DLG2: variants seen among roughly 807,000 people sequenced by gnomAD.
DLG2 encodes discs large MAGUK scaffold protein 2.
In DLG2, 45 loss-of-function variants were observed where a neutral mutation model predicts 132.5. The ratio of observed to expected loss-of-function variants is 0.34; its 90% confidence interval spans 0.27 to 0.44. DLG2 has a LOEUF of 0.44. DLG2 is among the 20% of genes least tolerant of loss of function. DLG2 has a pLI of 1.00. For synonymous variants in DLG2, 424 were observed against 419.6 expected, an observed-to-expected ratio of 1.01 and a Z score of -0.13; for missense variants, 1,045 against 1,196.9, an observed-to-expected ratio of 0.87 and a Z score of 1.87.
At chr11:85,267,502 C>CA (rs896312450) in intron 4 of DLG2, among the ~76,000 whole-genome samples, 1 of 152,178 alleles carries the variant, frequency 6.6e-6, no homozygotes, top group East Asian at 1.9e-4. Flanking sequence ...ATACCCCCCA[C>CA]AAAAAACAAA....
intron 7 of DLG2, among the ~76,000 whole-genome samples, chr11:84,321,149 T>C (rs896248950): frequency 6.6e-6 from 1 of 152,182 alleles, no homozygotes; most frequent in Non-Finnish European, 1.5e-5. Flanking sequence ...CTTGGCAAAT[T>C]AAGTCATGCT....
At chr11:84,596,216 C>CTCTG (rs1255036304) in intron 6 of DLG2, among the ~76,000 whole-genome samples, 6 of 151,134 alleles carry the variant, frequency 4.0e-5, no homozygotes, top group Non-Finnish European at 8.8e-5. Flanking sequence ...CTCTCTCTCT[C>CTCTG]TCTTTCTCTT....
intron 3 of DLG2, among the ~76,000 whole-genome samples, chr11:85,516,615 A>G (rs1047720187): frequency 1.3e-5 from 2 of 152,152 alleles, no homozygotes; most frequent in Non-Finnish European, 2.9e-5. Context: ...CCACAGAAAT[A>G]CAATTGATAA....
intron 18 of DLG2, among the ~76,000 whole-genome samples, chr11:83,650,087 T>G (rs1419264722): frequency 6.6e-6 from 1 of 152,184 alleles, no homozygotes; most frequent in African/African-American, 2.4e-5. Context: ...ACCAGAAAAA[T>G]GCACCCATAA....
intron 20 of DLG2, among the ~76,000 whole-genome samples, chr11:83,533,527 G>A (rs1454664847): frequency 6.6e-6 from 1 of 152,214 alleles, no homozygotes; most frequent in African/African-American, 2.4e-5. Context: ...CTGGGAGGGT[G>A]CAAAGGAGGA....
At chr11:84,805,171 G>T (rs751563945) in intron 6 of DLG2, among the ~76,000 whole-genome samples, 15 of 152,084 alleles carry the variant, frequency 9.9e-5, no homozygotes, top group African/African-American at 2.9e-4. Flanking sequence ...AACAATGGAG[G>T]CTTAGTGGGA....
chr11:83,998,252 T>C (rs1397201703), intron 11 of DLG2, among the ~76,000 whole-genome samples: 2 of 152,218 alleles, frequency 1.3e-5, no homozygotes, highest in African/African-American at 2.4e-5. Flanking sequence ...TTCAATTTTG[T>C]TTGTTGTTGG....
At chr11:84,223,161 G>A (rs796940469) in intron 8 of DLG2, among the ~76,000 whole-genome samples, 8 of 152,292 alleles carry the variant, frequency 5.3e-5, no homozygotes, top group African/African-American at 1.9e-4. Context: ...ATGTCAACAG[G>A]ATTTGTCATG....
At chr11:84,045,086 C>T (rs2096210460) in intron 11 of DLG2, among the ~76,000 whole-genome samples, 1 of 151,756 alleles carries the variant, frequency 6.6e-6, no homozygotes, top group Non-Finnish European at 1.5e-5. Flanking sequence ...TTCTCATAAT[C>T]TGGAAAACAG....
At chr11:84,355,571 T>G (rs772304448) in intron 7 of DLG2, among the ~76,000 whole-genome samples, 3 of 152,120 alleles carry the variant, frequency 2.0e-5, no homozygotes, top group Non-Finnish European at 2.9e-5. Context: ...CTGTGAGAGA[T>G]AAACTTTTGT....
At chr11:83,499,841 C>T (rs1467225062) in intron 21 of DLG2, among the ~76,000 whole-genome samples, 2 of 117,126 alleles carry the variant, frequency 1.7e-5, no homozygotes, top group Non-Finnish European at 3.5e-5. Context: ...ATATTTCCTC[C>T]ACTAATAGGA....
At chr11:85,300,591 C>A (rs189436459) in intron 3 of DLG2, among the ~76,000 whole-genome samples, 110 of 152,288 alleles carry the variant, frequency 7.2e-4, no homozygotes, top group African/African-American at 2.6e-3. Context: ...AATTAGAATT[C>A]TGCAGAATCC....
At chr11:84,738,623 C>G (rs537157763) in intron 6 of DLG2, among the ~76,000 whole-genome samples, 1 of 152,098 alleles carries the variant, frequency 6.6e-6, no homozygotes. Flanking sequence ...GGGAGTTTAA[C>G]AATTCCAAGT....
At chr11:84,878,376 C>T (rs922813995) in intron 6 of DLG2, among the ~76,000 whole-genome samples, 6 of 151,956 alleles carry the variant, frequency 3.9e-5, no homozygotes, top group South Asian at 4.2e-4. Flanking sequence ...AGTATGAAGC[C>T]GTAAAAAGGA....
intron 7 of DLG2, among the ~76,000 whole-genome samples, chr11:84,532,436 A>G (rs1252256754): frequency 1.3e-5 from 2 of 152,078 alleles, no homozygotes; most frequent in Non-Finnish European, 2.9e-5. Flanking sequence ...GGTATGCTCT[A>G]GAGGTGATTA....
chr11:85,256,190 C>T (rs1161863454), intron 4 of DLG2, among the ~76,000 whole-genome samples: 1 of 152,036 alleles, frequency 6.6e-6, no homozygotes, highest in Non-Finnish European at 1.5e-5. Context: ...GTTCCATGAG[C>T]AGAAAAGCAG....
intron 19 of DLG2, among the ~76,000 whole-genome samples, chr11:83,585,137 C>T (rs2097060130): frequency 6.6e-6 from 1 of 152,050 alleles, no homozygotes; most frequent in Non-Finnish European, 1.5e-5. Flanking sequence ...TAAAATATTA[C>T]ATGGAAATAA....
chr11:83,642,602 TC>T (rs1264697140), intron 18 of DLG2, among the ~76,000 whole-genome samples: 1 of 152,062 alleles, frequency 6.6e-6, no homozygotes, highest in African/African-American at 2.4e-5. Context: ...CAATTTGGCT[TC>T]ATGCATGCTT....
chr11:84,398,168 G>T lies in DLG2; in HGVS notation c.519+136402C>A, dbSNP rs969106181. On this transcript the variant is annotated intron_variant, in intron 7 of 27. Coordinates refer to ENST00000376104, the MANE Select transcript of DLG2 (RefSeq NM_001142699.3). ...GCTTTGGCAACATATAACAATATTCGAAAAACAAATATGATTGTGACAAGA... is the reference window on the plus strand; with the variant it reads ...GCTTTGGCAACATATAACAATATTCTAAAAACAAATATGATTGTGACAAGA... Among the ~76,000 whole-genome samples, 3 of 152,070 alleles carry T rather than the reference G, an allele frequency of 2.0e-5. No individual in the cohort carries two copies. The East Asian group carries it at 5.8e-4, about 29-fold the overall frequency.
Sources: allele counts gnomAD v4.1 joint callset (sites outside exome capture counted in the v4.1 genomes callset), GRCh38; gene constraint gnomAD v4.1.1; transcripts MANE v1.5; gene names NCBI Gene and HGNC (gene_info 2026-07-23, HGNC 2026-07-21).